Variants in CFAP70 observed in about 807,000 individuals in gnomAD.
CFAP70 encodes cilia- and flagella-associated protein 70.
CFAP70 carries 81 observed loss-of-function variants against 137.6 expected under a neutral mutation model. That is an observed-to-expected ratio of 0.59 (90% CI 0.49 to 0.71). The LOEUF (loss-of-function observed/expected upper bound fraction) is 0.71. CFAP70 is among the 30% of genes least tolerant of loss of function. CFAP70 has a pLI of 0.00. For missense variants in CFAP70, 976 were observed against 1,226.7 expected (o/e 0.80, Z 3.05); for synonymous variants, 382 against 423.6 (o/e 0.90, Z 1.20).
exon 9 of CFAP70, chr10:73,322,972 G>C (rs2051013113): frequency 6.2e-7 from 1 of 1,602,170 alleles, no homozygotes; most frequent in Non-Finnish European, 8.5e-7. Flanking sequence ...CCTTTTCATG[G>C]ACTACACTGT....
chr10:73,324,524 G>A (rs796789476), intron 8 of CFAP70, among the ~76,000 whole-genome samples: 10 of 152,134 alleles, frequency 6.6e-5, no homozygotes, highest in Admixed American at 2.0e-4. Context: ...GGCTTCAGAC[G>A]ATCAAACTAC....
intron 12 of CFAP70, among the ~76,000 whole-genome samples, chr10:73,301,334 C>T (rs1170387685): frequency 6.6e-6 from 1 of 152,150 alleles, no homozygotes; most frequent in African/African-American, 2.4e-5. Context: ...TGAGTAAGTG[C>T]TTGCAAGATC....
At chr10:73,287,144 G>A (rs1480557123) in intron 19 of CFAP70, among the ~76,000 whole-genome samples, 14 of 152,184 alleles carry the variant, frequency 9.2e-5, no homozygotes, top group Admixed American at 9.2e-4. Flanking sequence ...GTTCCCAACA[G>A]TAGTCACTGT....
chr10:73,302,883 C>CTTTTTT (rs1554895440), intron 12 of CFAP70, among the ~76,000 whole-genome samples: 20 of 130,982 alleles, frequency 1.5e-4, no homozygotes, highest in African/African-American at 3.2e-4. Flanking sequence ...CTTTTCTTTT[C>CTTTTTT]TTTTTTTTTT....
upstream of CFAP70, among the ~76,000 whole-genome samples, chr10:73,362,542 T>C (rs2055053964): frequency 6.6e-6 from 1 of 151,658 alleles, no homozygotes; most frequent in East Asian, 1.9e-4. Context: ...TTTGTAGCAA[T>C]TGTGAATGGG....
At chr10:73,353,340 C>G (rs1158600426) in intron 3 of CFAP70, among the ~76,000 whole-genome samples, 6 of 152,120 alleles carry the variant, frequency 3.9e-5, no homozygotes, top group Admixed American at 2.6e-4. Flanking sequence ...CTGCCTTCTC[C>G]CTGCACACTT....
intron 6 of CFAP70, among the ~76,000 whole-genome samples, chr10:73,340,523 T>C (rs552414174): frequency 6.5e-4 from 99 of 152,324 alleles, no homozygotes; most frequent in Admixed American, 6.5e-4. Flanking sequence ...TGGGGTTTCA[T>C]TGGGCACCTG....
At position 73,302,887 on chromosome 10, in the gene CFAP70, T is replaced by C. The variant is rs538870530; in HGVS notation, c.1257-3222A>G. ...TTTTCTTTTTTCTTTTCTTTTCTTTTTTTTTTTTTTTTGAGAGAGGGTCTC... is the reference window on the plus strand; with the variant it reads ...TTTTCTTTTTTCTTTTCTTTTCTTTCTTTTTTTTTTTTGAGAGAGGGTCTC... On this transcript the variant is annotated intron_variant, in intron 12 of 26. Transcript: ENST00000310715. Among the ~76,000 whole-genome samples, 113 of 147,334 alleles carry C rather than the reference T, an allele frequency of 7.7e-4. 1 individual carries two copies. The highest frequency in any genetic ancestry group is 2.5e-3 in the African/African-American group (101 of 39,876).
intron 7 of CFAP70, among the ~76,000 whole-genome samples, chr10:73,333,505 C>A (rs1017142004): frequency 2.0e-5 from 3 of 151,432 alleles, no homozygotes; most frequent in Non-Finnish European, 2.9e-5. Flanking sequence ...CTTGAAAAAA[C>A]CAGAGGAAAA....
At position 73,299,668 on chromosome 10, in the gene CFAP70, G is replaced by C; in HGVS notation, c.1257-3C>G. The C allele has an allele frequency of 3.1e-6, 5 of 1,607,044 alleles. No individual in the cohort carries two copies. The highest frequency in any genetic ancestry group is 4.2e-6 in the Non-Finnish European group (5 of 1,177,214). On this transcript the variant is annotated splice_polypyrimidine_tract_variant and splice_region_variant and intron_variant, in intron 12 of 26. Coordinates refer to ENST00000310715, the Ensembl canonical transcript of CFAP70. ...TTGGAGGAATCATTTCCTTGACCCT[G>C]TATCAGGAAAGAAAAAAAATAAAAA...
chr10:73,353,669 G>T, exon 3 of CFAP70: 1 of 1,614,122 alleles, frequency 6.2e-7, no homozygotes, highest in Non-Finnish European at 8.5e-7. Flanking sequence ...AGTAATTTTT[G>T]CAGAGTCTCC....
At chr10:73,271,596 A>G (rs1244411536) in intron 24 of CFAP70, among the ~76,000 whole-genome samples, 1 of 152,266 alleles carries the variant, frequency 6.6e-6, no homozygotes, top group Non-Finnish European at 1.5e-5. Context: ...CATATATATG[A>G]AAAAAGACGG....
At position 73,327,909 on chromosome 10, in the gene CFAP70, C is replaced by T. The variant is rs1178187008; in HGVS notation, c.777+3268G>A. Among the ~76,000 whole-genome samples the T allele has an allele frequency of 5.3e-5, 8 of 152,226 alleles. No individual in the cohort carries two copies. The East Asian group carries it at 1.4e-3, about 26-fold the overall frequency. On this transcript the variant is annotated intron_variant, in intron 8 of 26. Coordinates refer to ENST00000310715, the Ensembl canonical transcript of CFAP70. ...AATCAATATCGTGAAAATGGCCATACTGCCCAAGGTAATTTACAGATTCAA... is the reference window on the plus strand; with the variant it reads ...AATCAATATCGTGAAAATGGCCATATTGCCCAAGGTAATTTACAGATTCAA...
At chr10:73,312,510 T>G in exon 10 of CFAP70, 1 of 1,612,200 alleles carries the variant, frequency 6.2e-7, no homozygotes, top group Non-Finnish European at 8.5e-7. Context: ...TATATCCTTT[T>G]CTTTCACTGG....
chr10:73,272,724 G>A, intron 24 of CFAP70: 1 of 653,960 alleles, frequency 1.5e-6, no homozygotes, highest in South Asian at 1.6e-5. Context: ...GGTTTTTCTG[G>A]GATTTTTTAA....
chr10:73,330,206 C>T (rs1589512888), intron 8 of CFAP70, among the ~76,000 whole-genome samples: 1 of 152,032 alleles, frequency 6.6e-6, no homozygotes, highest in East Asian at 1.9e-4. Context: ...AATCCCAGCA[C>T]TTTGGGAGGC....
At chr10:73,331,069 A>G in intron 8 of CFAP70, 108 bp downstream of exon 9, 1 of 717,172 alleles carries the variant, frequency 1.4e-6, no homozygotes, top group Non-Finnish European at 2.3e-6. Context: ...CACCCTTAGG[A>G]GAACAGCTAT....
At chr10:73,350,059 T>C (rs961290843) in intron 3 of CFAP70, among the ~76,000 whole-genome samples, 1 of 152,224 alleles carries the variant, frequency 6.6e-6, no homozygotes, top group African/African-American at 2.4e-5. Context: ...ATTTATTTTG[T>C]AGCTGGTCTG....
chr10:73,253,827 G>GT (rs1293628085), exon 27 of CFAP70: 5 of 559,056 alleles, frequency 8.9e-6, no homozygotes, highest in Non-Finnish European at 1.5e-5. Flanking sequence ...AAAACATCCA[G>GT]TAACACAGCC....
Sources: allele counts gnomAD v4.1 joint callset (sites outside exome capture counted in the v4.1 genomes callset), GRCh38; gene constraint gnomAD v4.1.1; transcripts MANE v1.5; gene names NCBI Gene and HGNC (gene_info 2026-07-23, HGNC 2026-07-21).